Variants in OPCML observed in about 807,000 individuals in gnomAD.
The protein encoded by OPCML is opioid binding protein/cell adhesion molecule like.
A neutral mutation model predicts 37.8 loss-of-function variants in OPCML; 13 were observed. The observed-to-expected ratio is 0.34, with a 90% CI of 0.22 to 0.55. The LOEUF is 0.55. Ranked by LOEUF, OPCML falls within the 20% of genes least tolerant of loss-of-function variation. The probability of loss-of-function intolerance (pLI) is 0.91; values close to 1 mark genes in which losing one functional copy is unlikely to be tolerated. For synonymous variants in OPCML, 176 were observed against 168.8 expected, an observed-to-expected ratio of 1.04 and a Z score of -0.33; for missense variants, 341 against 435.6, an observed-to-expected ratio of 0.78 and a Z score of 1.93.
intron 3 of OPCML, among the ~76,000 whole-genome samples, chr11:132,633,039 T>A (rs961681448): frequency 6.6e-5 from 10 of 150,922 alleles, no homozygotes; most frequent in Non-Finnish European, 1.3e-4. Context: ...GAATTACAAG[T>A]GGACTGAGCT....
chr11:132,449,502 C>A (rs2136833737), intron 4 of OPCML, among the ~76,000 whole-genome samples: 1 of 152,238 alleles, frequency 6.6e-6, no homozygotes, highest in Admixed American at 6.5e-5. Context: ...CTCGCCTTTA[C>A]TAAAAATATC....
chr11:132,600,644 C>A (rs536256731), intron 3 of OPCML, among the ~76,000 whole-genome samples: 1 of 152,176 alleles, frequency 6.6e-6, no homozygotes, highest in South Asian at 2.1e-4. Flanking sequence ...AATTGGGGAC[C>A]AAAAGCTATT....
At chr11:132,603,946 A>G (rs1591612299) in intron 3 of OPCML, among the ~76,000 whole-genome samples, 1 of 152,178 alleles carries the variant, frequency 6.6e-6, no homozygotes, top group African/African-American at 2.4e-5. Context: ...CTTTACGGAT[A>G]CTTTATGCTA....
chr11:132,872,237 A>T (rs1942827637), intron 2 of OPCML, among the ~76,000 whole-genome samples: 2 of 152,252 alleles, frequency 1.3e-5, no homozygotes, highest in South Asian at 4.1e-4. Context: ...AGAAGAATAT[A>T]ACCTGCATAT....
At chr11:133,324,363 G>A (rs1273062035) in intron 1 of OPCML, among the ~76,000 whole-genome samples, 3 of 152,158 alleles carry the variant, frequency 2.0e-5, no homozygotes, top group African/African-American at 7.2e-5. Context: ...TTTTCGGGAT[G>A]GCATGCCACC....
At chr11:132,493,557 C>G (rs1245468067) in intron 4 of OPCML, among the ~76,000 whole-genome samples, 1 of 152,184 alleles carries the variant, frequency 6.6e-6, no homozygotes, top group South Asian at 2.1e-4. Flanking sequence ...ATTTCCCTCT[C>G]CCTTTCTGTG....
intron 1 of OPCML, among the ~76,000 whole-genome samples, chr11:132,973,284 T>G (rs1946382847): frequency 6.6e-6 from 1 of 152,176 alleles, no homozygotes; most frequent in Admixed American, 6.5e-5. Flanking sequence ...AATTGTTCCC[T>G]TCCACCTCCA....
chr11:132,752,816 G>T (rs1256377242), intron 2 of OPCML, among the ~76,000 whole-genome samples: 3 of 152,006 alleles, frequency 2.0e-5, no homozygotes, highest in Admixed American at 6.6e-5. Context: ...TAAAAGACAG[G>T]CCTCCTTCCT....
chr11:132,939,420 C>T (rs1945499406), intron 2 of OPCML, among the ~76,000 whole-genome samples: 1 of 152,166 alleles, frequency 6.6e-6, no homozygotes, highest in South Asian at 2.1e-4. Context: ...AGCATAATCC[C>T]AGATCAGCAA....
At chr11:132,861,616 C>A (rs1245739512) in intron 2 of OPCML, among the ~76,000 whole-genome samples, 1 of 152,078 alleles carries the variant, frequency 6.6e-6, no homozygotes, top group Admixed American at 6.5e-5. Flanking sequence ...GTGGGTGAAT[C>A]ACGAGGTCAG....
rs1243509806 is a variant in OPCML, at chr11:132,943,147, G to A, written c.62-137C>T. On this transcript the variant is annotated intron_variant, in intron 1 of 7. Transcript: ENST00000524381. The surrounding 1 kb of genome is among the most constrained non-coding windows in gnomAD (Gnocchi z 4.3). ...GGCAGCCGCACAGTCCTGGTCCCCC[G>A]CCCCGCGCACCAGCGGGCTCGGGAA... 5 of 1,603,512 alleles carry A rather than the reference G, an allele frequency of 3.1e-6. No homozygotes were observed. The highest frequency in any genetic ancestry group is 4.3e-6 in the Non-Finnish European group (5 of 1,171,944).
At chr11:133,145,167 C>T (rs546942694) in intron 1 of OPCML, among the ~76,000 whole-genome samples, 2 of 152,144 alleles carry the variant, frequency 1.3e-5, no homozygotes, top group African/African-American at 4.8e-5. Context: ...AAGTTGTCTA[C>T]TATTAATTAA....
chr11:132,910,153 G>A (rs569011906), intron 2 of OPCML, among the ~76,000 whole-genome samples: 12 of 152,200 alleles, frequency 7.9e-5, no homozygotes, highest in Non-Finnish European at 8.8e-5. Context: ...CAATAAGCTC[G>A]TTTCACTGCA....
At chr11:133,255,123 A>G (rs1941269572) in intron 1 of OPCML, among the ~76,000 whole-genome samples, 1 of 152,050 alleles carries the variant, frequency 6.6e-6, no homozygotes, top group African/African-American at 2.4e-5. Flanking sequence ...CACTAACATA[A>G]CTCAACTCCC....
At chr11:133,233,378 C>G (rs148125022) in intron 1 of OPCML, among the ~76,000 whole-genome samples, 1 of 152,124 alleles carries the variant, frequency 6.6e-6, no homozygotes, top group Non-Finnish European at 1.5e-5. Context: ...TTTCTGTCTA[C>G]GAGCAGGGCA....
At chr11:133,273,808 A>C (rs879940847) in intron 1 of OPCML, among the ~76,000 whole-genome samples, 8 of 152,156 alleles carry the variant, frequency 5.3e-5, no homozygotes. Context: ...TTGCAAGCCA[A>C]TGTCCGTCAT....
intron 2 of OPCML, among the ~76,000 whole-genome samples, chr11:132,912,544 C>A (rs1472325370): frequency 1.3e-5 from 2 of 152,102 alleles, no homozygotes; most frequent in Admixed American, 6.5e-5. Context: ...TGGAAACCTG[C>A]AATCTATATA....
rs556882924 is a variant in OPCML, at chr11:133,504,394, A to C, written c.61+27870T>G. ...TTCTGTCTGACCCTTCACAAAATACATTTGCTGACCCTGTCTTCAAGGAAA... is the reference window on the plus strand; with the variant it reads ...TTCTGTCTGACCCTTCACAAAATACCTTTGCTGACCCTGTCTTCAAGGAAA... On this transcript the variant is annotated intron_variant, in intron 1 of 7. Transcript: ENST00000524381. Among the ~76,000 whole-genome samples, 51 of 152,310 alleles carry C rather than the reference A, an allele frequency of 3.3e-4. No individual in the cohort carries two copies. The South Asian group carries it at 0.011, about 32-fold the overall frequency.
chr11:132,955,542 T>C (rs1945959202), intron 1 of OPCML, among the ~76,000 whole-genome samples: 1 of 151,996 alleles, frequency 6.6e-6, no homozygotes, highest in Non-Finnish European at 1.5e-5. Flanking sequence ...AAGCAATATA[T>C]AGAGAAGAAA....
Sources: gnomAD v4.1 joint callset for allele counts (sites outside exome capture counted in the v4.1 genomes callset) on GRCh38, gnomAD v4.1.1 for gene constraint, Gnocchi (gnomAD v3.1) non-coding constraint, MANE v1.5 for transcripts, NCBI Gene and HGNC (gene_info 2026-07-23, HGNC 2026-07-21) for gene names.